Variants in CFAP69 observed in about 807,000 individuals in gnomAD.
CFAP69 encodes cilia- and flagella-associated protein 69.
In CFAP69, 92 loss-of-function variants were observed where a neutral mutation model predicts 123.0. The observed-to-expected ratio is 0.75, with a 90% CI of 0.63 to 0.89. The LOEUF (loss-of-function observed/expected upper bound fraction) is 0.89, where lower values mean the gene tolerates loss of function less well. CFAP69 is among the 40% of genes least tolerant of loss of function. The probability of loss-of-function intolerance (pLI) is 0.00; values close to 1 mark genes in which losing one functional copy is unlikely to be tolerated. For synonymous variants in CFAP69, 380 were observed against 364.3 expected (o/e 1.04, Z -0.49); for missense variants, 1,067 against 1,096.9 (o/e 0.97, Z 0.39).
chr7:90,265,374 C>A lies in CFAP69; in HGVS notation c.430C>A (p.Leu144Met). ...AEDTANSIAL[L>M]GDLMKIPSSE... is the part of the protein sequence containing the mutation. ...AGATACTGCTAATTCAATTGCACTT[C>A]TGGGTAAGTTAAGATTTCCTTAAGG... The change falls in exon 5 of 23, where the codon CTG becomes ATG. Residue 144 changes from leucine to methionine, a missense_variant. Coordinates refer to ENST00000389297, the MANE Select transcript of CFAP69 (RefSeq NM_001039706.3). 6.2e-7 allele frequency: 1 copy of A among 1,603,808 alleles called. No homozygotes were observed. Among genetic ancestry groups the A allele is most frequent in the South Asian group, 1.1e-5 (1 of 90,460 alleles).
At chr7:90,313,725 G>A (rs888295530), downstream of CFAP69, among the ~76,000 whole-genome samples, 4 of 152,104 alleles carry the variant, frequency 2.6e-5, no homozygotes, top group African/African-American at 7.2e-5. Flanking sequence ...AAGGAAGGAA[G>A]GGAGAGAGAA....
chr7:90,271,778 C>T lies in CFAP69; in HGVS notation c.683-3C>T. 6.4e-7 allele frequency: 1 copy of T among 1,571,082 alleles called. No homozygotes were observed. Among genetic ancestry groups the T allele is most frequent in the Non-Finnish European group, 8.6e-7 (1 of 1,160,638 alleles). On this transcript the variant is annotated splice_polypyrimidine_tract_variant and splice_region_variant and intron_variant, in intron 7 of 22. Transcript: ENST00000389297. ...ACAAATAATTTTTAAAATTTATTTTCAGAAGTTAATTGTACTATAATGATG... is the reference window on the plus strand; with the variant it reads ...ACAAATAATTTTTAAAATTTATTTTTAGAAGTTAATTGTACTATAATGATG...
the CFAP69 span, chr7:90,319,780 A>G: frequency 2.5e-6 from 1 of 398,494 alleles, no homozygotes; most frequent in African/African-American, 2.1e-5. Flanking sequence ...GAGAGAGGAT[A>G]TATTTAACTT....
In CFAP69 at chr7:90,283,040, A is replaced by C; in HGVS notation, c.1521A>C (p.Thr507=). The C allele has an allele frequency of 6.4e-7, 1 of 1,560,502 alleles. No homozygotes were observed. Among genetic ancestry groups the C allele is most frequent in the Non-Finnish European group, 8.6e-7 (1 of 1,156,262 alleles). Residue 507 remains threonine (T), a synonymous_variant, in exon 13 of 23, where the codon ACA becomes ACC. Coordinates refer to ENST00000389297, the MANE Select transcript of CFAP69 (RefSeq NM_001039706.3). Reference sequence around the variant, plus strand: ...ACAAAGATCTTTGTGAAAAGGGAACAATTCAGCAAATGATAGGTAAAATAT... The same window carrying C: ...ACAAAGATCTTTGTGAAAAGGGAACCATTCAGCAAATGATAGGTAAAATAT... The part of the protein sequence containing the change: ...TVNKDLCEKG[T]IQQMIGIFKN...
At chr7:90,319,572 G>A in the CFAP69 span, 1 of 398,426 alleles carries the variant, frequency 2.5e-6, no homozygotes, top group Non-Finnish European at 4.4e-6. Flanking sequence ...TGAGTTCCTT[G>A]AGATCTATCA....
At chr7:90,285,574 T>C (rs984043439) in intron 13 of CFAP69, among the ~76,000 whole-genome samples, 2 of 152,156 alleles carry the variant, frequency 1.3e-5, no homozygotes, top group African/African-American at 4.8e-5. Flanking sequence ...CCTAAAATTG[T>C]TTAAAACACC....
chr7:90,283,103 ATAG>A (rs1176881088), intron 13 of CFAP69, 47 bp downstream of exon 13: 1 of 1,352,816 alleles, frequency 7.4e-7, no homozygotes, highest in Non-Finnish European at 9.8e-7. Flanking sequence ...AATATTTTTA[ATAG>A]TAGTAGTTTT....
chr7:90,261,861 A>G (rs977286674), intron 3 of CFAP69, 86 bp from the exon 4 acceptor site: 11 of 677,602 alleles, frequency 1.6e-5, no homozygotes, highest in African/African-American at 1.3e-4. Flanking sequence ...TTGGAATTCT[A>G]TAGACTTTCT....
intron 12 of CFAP69, 116 bp from the exon 13 acceptor site, chr7:90,282,776 A>G: frequency 1.2e-6 from 1 of 826,318 alleles, no homozygotes. Flanking sequence ...AAAAAACTAA[A>G]GCAAATATGA....
rs1399587561 is a variant in CFAP69 at position 90,282,920 on chromosome 7, T to A, written c.1401T>A (p.Phe467Leu). The stretch of plus-strand genomic sequence containing the variant: ...CGTTTTTCAGTCATGGTAACAGTTT[T>A]CATGGTACAGGTGGCCGAGGCAACA... The part of the protein sequence containing the change: ...EDPFFSHGNS[F>L]HGTGGRGNKF... Residue 467 changes from phenylalanine (F) to leucine (L), a missense_variant, in exon 13 of 23, where the codon TTT becomes TTA. Physicochemically the swap from Phe to Leu is conservative, Grantham distance 22. Coordinates refer to ENST00000389297, the MANE Select transcript of CFAP69 (RefSeq NM_001039706.3). 6.5e-7 allele frequency: 1 copy of A among 1,549,660 alleles called. No individual in the cohort carries two copies. Among genetic ancestry groups the A allele is most frequent in the African/African-American group, 1.4e-5 (1 of 71,988 alleles).
rs561394678 is a variant in CFAP69 at position 90,267,008 on chromosome 7, A to G, written c.434-1278A>G. 3.3e-5 allele frequency among the ~76,000 whole-genome samples: 5 copies of G among 152,296 alleles called. No individual in the cohort carries two copies. The South Asian group carries it at 1.0e-3, about 32-fold the overall frequency. ...AAATTATCTAAATTTACAGGAACTA[A>G]AACAGTGGAAAAGCAGACGAAAGAC... On this transcript the variant is annotated intron_variant, in intron 5 of 22. Coordinates refer to ENST00000389297, the MANE Select transcript of CFAP69 (RefSeq NM_001039706.3).
At chr7:90,246,323 G>A (rs1231371839) in intron 1 of CFAP69, among the ~76,000 whole-genome samples, 1 of 152,124 alleles carries the variant, frequency 6.6e-6, no homozygotes. Flanking sequence ...CCCTGATCGT[G>A]CCTTAAAAGC....
chr7:90,247,450 C>A (rs150509343), intron 1 of CFAP69, among the ~76,000 whole-genome samples: 1 of 152,198 alleles, frequency 6.6e-6, no homozygotes, highest in African/African-American at 2.4e-5. Flanking sequence ...AGTTCATTGT[C>A]AGCTTCATCA....
chr7:90,277,033 A>G (rs1280788362), intron 9 of CFAP69, 40 bp from the exon 10 acceptor site: 1 of 1,384,794 alleles, frequency 7.2e-7, no homozygotes, highest in African/African-American at 1.5e-5. Flanking sequence ...CTTTCATCTT[A>G]TTCATTCATC....
intron 5 of CFAP69, among the ~76,000 whole-genome samples, chr7:90,266,884 T>C (rs1294567203): frequency 6.6e-6 from 1 of 152,224 alleles, no homozygotes; most frequent in Admixed American, 6.5e-5. Context: ...TTCTTCCAAA[T>C]GATACATAGA....
chr7:90,274,030 A>G lies in CFAP69; in HGVS notation c.904A>G (p.Ser302Gly), dbSNP rs749682826. 6.2e-7 allele frequency: 1 copy of G among 1,605,802 alleles called. No homozygotes were observed. The highest frequency in any genetic ancestry group is 1.3e-5 in the African/African-American group (1 of 74,440). The change falls in exon 9 of 23, where the codon AGT becomes GGT. Residue 302 changes from serine to glycine, a missense_variant. Transcript: ENST00000389297. ...TAAAAATCTGTTTATGAGAGGTTTC[A>G]GTCATTATGACCGTCAGCTTAGAAA... ...VFKNLFMRGF[S>G]HYDRQLRNDI...
chr7:90,301,519 T>A (rs1263500832), intron 17 of CFAP69: 1 of 152,110 alleles, frequency 6.6e-6, no homozygotes, highest in Admixed American at 6.6e-5. Context: ...TGTGTTGTTC[T>A]CCTCCATGTG....
chr7:90,250,764 T>C (rs1455602749), intron 1 of CFAP69, among the ~76,000 whole-genome samples: 1 of 152,164 alleles, frequency 6.6e-6, no homozygotes, highest in Non-Finnish European at 1.5e-5. Flanking sequence ...ACGTTAAGCC[T>C]ATGATTCAGA....
At chr7:90,251,475 C>G (rs1796995254) in intron 1 of CFAP69, among the ~76,000 whole-genome samples, 1 of 152,220 alleles carries the variant, frequency 6.6e-6, no homozygotes, top group Non-Finnish European at 1.5e-5. Context: ...CCAATTGCAG[C>G]AGAGGTTGTT....
Sources: allele counts gnomAD v4.1 joint callset (sites outside exome capture counted in the v4.1 genomes callset), GRCh38; gene constraint gnomAD v4.1.1; transcripts MANE v1.5; gene names NCBI Gene and HGNC (gene_info 2026-07-23, HGNC 2026-07-21).